The following CELSR1 variants were observed in gnomAD, a reference collection of about 807,000 sequenced individuals.
The protein encoded by CELSR1 is cadherin EGF LAG seven-pass G-type receptor 1, also known as adhesion G protein-coupled receptor C1.
CELSR1 carries 110 observed loss-of-function variants against 249.1 expected under a neutral mutation model. That is an observed-to-expected ratio of 0.44 (90% CI 0.38 to 0.52). The LOEUF (loss-of-function observed/expected upper bound fraction) is 0.52, where lower values mean the gene tolerates loss of function less well. Ranked by LOEUF, CELSR1 falls within the 20% of genes least tolerant of loss-of-function variation. The pLI, the probability that CELSR1 is intolerant of heterozygous loss-of-function variation, is 0.00. For synonymous variants in CELSR1, 2,113 were observed against 1,900.0 expected, an observed-to-expected ratio of 1.11 and a Z score of -2.92; for missense variants, 4,109 against 4,296.4, an observed-to-expected ratio of 0.96 and a Z score of 1.22.
intron 2 of CELSR1, among the ~76,000 whole-genome samples, chr22:46,457,509 C>A (rs531887159): frequency 6.6e-6 from 1 of 152,162 alleles, no homozygotes; most frequent in Admixed American, 6.5e-5. Context: ...GACTTGTTGC[C>A]GTCCCCCTCC....
At chr22:46,397,890 A>T in intron 11 of CELSR1, 42 bp from the exon 12 acceptor site, 1 of 1,449,708 alleles carries the variant, frequency 6.9e-7, no homozygotes, top group Non-Finnish European at 9.2e-7. Context: ...GAGCCCGGAA[A>T]GGTATGTAGG....
At chr22:46,367,914 C>T in intron 27 of CELSR1, 59 bp from the exon 28 acceptor site, 1 of 1,545,452 alleles carries the variant, frequency 6.5e-7, no homozygotes, top group Non-Finnish European at 8.7e-7. Context: ...CTTCCTCCCT[C>T]CCTCTCTGCA....
At chr22:46,392,662 T>A (rs1212604016) in intron 14 of CELSR1, among the ~76,000 whole-genome samples, 2 of 152,166 alleles carry the variant, frequency 1.3e-5, no homozygotes, top group African/African-American at 4.8e-5. Flanking sequence ...GCTCAAGTGA[T>A]CCTCCCACCT....
At chr22:46,389,735 G>T (rs1467977437) in intron 17 of CELSR1, among the ~76,000 whole-genome samples, 1 of 152,086 alleles carries the variant, frequency 6.6e-6, no homozygotes, top group Non-Finnish European at 1.5e-5. Flanking sequence ...GTCCAATATG[G>T]TGAAAACCCG....
In CELSR1 at chr22:46,410,644, T is replaced by A. The variant is rs563549395; in HGVS notation, c.4770-83A>T. On this transcript the variant is annotated intron_variant, in intron 6 of 34. Transcript: ENST00000674500. The surrounding 1 kb of genome is among the most constrained non-coding windows in gnomAD (Gnocchi z 6.8). ...GCTGGGCTCCGCAGTTGCCTCTGTG[T>A]AGCCTCTACCACCATAACTACTTCA... 1.0e-4 allele frequency: 141 copies of A among 1,414,972 alleles called. No homozygotes were observed. In the African/African-American group the frequency reaches 1.8e-3, roughly 18 times the overall value. 87.7% of individuals were successfully genotyped at this position (1,414,972 alleles called of 1,614,324 possible). A position where few individuals can be genotyped will look rare whatever the true frequency, so the allele number is the denominator to read the frequency against.
rs1188769191 is a variant in CELSR1, at chr22:46,402,992, G to T, written c.5227-3090C>A. On this transcript the variant is annotated intron_variant, in intron 9 of 34. Coordinates refer to ENST00000674500, the MANE Select transcript of CELSR1 (RefSeq NM_001378328.1). This position sits in a 1 kb window ranked among gnomAD's most constrained non-coding sequence, Gnocchi z 5.0. ...ATAAATACCAACCAAAAGACAAATG[G>T]TATAGCTATGTTAATATGAGACAAA... Among the ~76,000 whole-genome samples, 1 of 152,070 alleles carries T rather than the reference G, an allele frequency of 6.6e-6. No individual in the cohort carries two copies. The highest frequency in any genetic ancestry group is 2.4e-5 in the African/African-American group (1 of 41,410).
Position 46,364,662 on chromosome 22 carries a change from T to G in CELSR1, c.8629A>C (p.Ser2877Arg). ...SLAESDSEDP[S>R]GKPRLKVETK... is the part of the protein sequence containing the mutation. Reference sequence around the variant, plus strand: ...TCCACCTTCAGGCGGGGCTTGCCGCTGGGGTCCTCACTGTCACTCTCAGCC... The same window carrying G: ...TCCACCTTCAGGCGGGGCTTGCCGCGGGGGTCCTCACTGTCACTCTCAGCC... Residue 2877 changes from serine (S) to arginine (R), a missense_variant, in exon 33 of 35, where the codon AGC (serine) becomes CGC (arginine). Around this residue, in one of 7 missense-constraint regions of CELSR1, gnomAD observed 1,805 missense variants for 1,831.6 expected, o/e 0.99. Coordinates refer to ENST00000674500, the MANE Select transcript of CELSR1 (RefSeq NM_001378328.1). 3.1e-6 allele frequency: 5 copies of G among 1,612,662 alleles called. No individual in the cohort carries two copies. The highest frequency in any genetic ancestry group is 4.2e-6 in the Non-Finnish European group (5 of 1,179,918).
chr22:46,377,327 T>C, intron 23 of CELSR1, 66 bp from the exon 24 acceptor site: 2 of 1,497,662 alleles, frequency 1.3e-6, no homozygotes, highest in Non-Finnish European at 1.8e-6. Context: ...GGTCATTGCA[T>C]AACAGAGATA....
At chr22:46,373,710 GATGGGGGAGATGGGAGCA>G (rs1202326601) in intron 24 of CELSR1, among the ~76,000 whole-genome samples, 4 of 136,820 alleles carry the variant, frequency 2.9e-5, no homozygotes, top group African/African-American at 1.2e-4. Flanking sequence ...AGATGGGGGA[GATGGGGGAGATGGGAGCA>G]ATGGGAGCAA....
rs915782970 is a variant in CELSR1 at position 46,399,400 on chromosome 22, G to A, written c.5412+317C>T. On this transcript the variant is annotated intron_variant, in intron 10 of 34. Coordinates refer to ENST00000674500, the MANE Select transcript of CELSR1 (RefSeq NM_001378328.1). The surrounding 1 kb of genome is among the most constrained non-coding windows in gnomAD (Gnocchi z 5.0). ...TTCAGTACCCTAAAGACATGGTGCT[G>A]AGCCTGCAGGTGTTGCTCAAGATGG... Among the ~76,000 whole-genome samples, 1 of 152,220 alleles carries A rather than the reference G, an allele frequency of 6.6e-6. No individual in the cohort carries two copies. The highest frequency in any genetic ancestry group is 2.4e-5 in the African/African-American group (1 of 41,462).
Position 46,478,579 on chromosome 22 carries a change from G to T in CELSR1, c.3545-14234C>A, listed in dbSNP as rs190481261. The stretch of plus-strand genomic sequence containing the variant: ...TTTTTTTGAGATGGAGTCTCACACT[G>T]TCGCCCAGTCTAAAGTGCAGTGGTG... On this transcript the variant is annotated intron_variant, in intron 1 of 34. Coordinates refer to ENST00000674500, the MANE Select transcript of CELSR1 (RefSeq NM_001378328.1). 8.0e-5 allele frequency among the ~76,000 whole-genome samples: 12 copies of T among 150,516 alleles called. No individual in the cohort carries two copies. In the East Asian group the frequency reaches 2.1e-3, roughly 27 times the overall value.
intron 1 of CELSR1, chr22:46,481,517 G>C: frequency 6.8e-7 from 1 of 1,462,092 alleles, no homozygotes; most frequent in Non-Finnish European, 9.4e-7. Flanking sequence ...AGGTGGTCCT[G>C]GAACTTCTCC....
In CELSR1 at chr22:46,408,979, C is replaced by T. The variant is rs1478332997; in HGVS notation, c.5226+17G>A. The T allele has an allele frequency of 1.3e-6, 2 of 1,589,858 alleles. No homozygotes were observed. The highest frequency in any genetic ancestry group is 3.5e-5 in the Admixed American group (2 of 56,530). On this transcript the variant is annotated intron_variant, in intron 9 of 34. Transcript: ENST00000674500. The surrounding 1 kb of genome is among the most constrained non-coding windows in gnomAD (Gnocchi z 4.6). ...ACCCACCTAGCAGGTGCCTTGGTGG[C>T]ACGGGGCCCCAGTCACCTGGAGGCG...
At position 46,463,399 on chromosome 22, in the gene CELSR1, C is replaced by A. The variant is rs3788700; in HGVS notation, c.4183+308G>T. Among the ~76,000 whole-genome samples, 244 of 152,304 alleles carry A rather than the reference C, an allele frequency of 1.6e-3. 6 individuals carry two copies. In the East Asian group the frequency reaches 0.037, roughly 23 times the overall value. On this transcript the variant is annotated intron_variant, in intron 2 of 34. Transcript: ENST00000674500. ...GGCGTGGTGGCCTGTGCCTGCAACC[C>A]CAGCTACTCGGGAGGCTGAGGCAGA...
At position 46,380,980 on chromosome 22, in the gene CELSR1, G is replaced by A; in HGVS notation, c.7089-25C>T. 1 of 1,607,294 alleles carries A rather than the reference G, an allele frequency of 6.2e-7. No homozygotes were observed. The highest frequency in any genetic ancestry group is 8.5e-7 in the Non-Finnish European group (1 of 1,175,502). On this transcript the variant is annotated intron_variant, in intron 21 of 34. Transcript: ENST00000674500. The surrounding 1 kb of genome is among the most constrained non-coding windows in gnomAD (Gnocchi z 5.1). ...CCTGAGGTCAAGAAGCCAGAGCATG[G>A]GGACAAACACGGTGAGGAAACATCT...
chr22:46,364,810 G>GA, intron 32 of CELSR1, 74 bp from the exon 33 acceptor site: 1 of 1,429,744 alleles, frequency 7.0e-7, no homozygotes, highest in Non-Finnish European at 9.5e-7. Context: ...CCATGGGTCT[G>GA]GTGGCTCTGA....
intron 20 of CELSR1, among the ~76,000 whole-genome samples, chr22:46,383,685 C>T (rs111352868): frequency 0.027 from 4,168 of 151,940 alleles, 194 homozygotes; most frequent in African/African-American, 0.093. Context: ...CGCCACCATG[C>T]CCAGGTAATT....
chr22:46,509,013 C>T (rs966636481), intron 1 of CELSR1, among the ~76,000 whole-genome samples: 1 of 152,212 alleles, frequency 6.6e-6, no homozygotes, highest in African/African-American at 2.4e-5. Context: ...CAGGACAGGC[C>T]AGCGCTCAGC....
chr22:46,439,910 G>T (rs1224536786), intron 2 of CELSR1, among the ~76,000 whole-genome samples: 2 of 151,906 alleles, frequency 1.3e-5, no homozygotes, highest in East Asian at 1.9e-4. Context: ...CAGGCCACCT[G>T]CCCTGACTGC....
Sources: gnomAD v4.1 joint callset for allele counts (sites outside exome capture counted in the v4.1 genomes callset) on GRCh38, gnomAD v4.1.1 for gene constraint, gnomAD v4.1.1 regional missense constraint, Gnocchi (gnomAD v3.1) non-coding constraint, MANE v1.5 for transcripts, NCBI Gene and HGNC (gene_info 2026-07-23, HGNC 2026-07-21) for gene names.